The following GLT1D1 variants were observed in gnomAD, a reference collection of about 807,000 sequenced individuals.
The protein encoded by GLT1D1 is glycosyltransferase 1 domain containing 1.
A neutral mutation model predicts 28.7 loss-of-function variants in GLT1D1; 21 were observed. The observed-to-expected ratio is 0.73, with a 90% CI of 0.52 to 1.05. The LOEUF is 1.05. GLT1D1 is among the 50% of genes least tolerant of loss of function. GLT1D1 has a pLI of 0.00. For synonymous variants in GLT1D1, 147 were observed against 124.8 expected (o/e 1.18, Z -1.19); for missense variants, 343 against 330.6 (o/e 1.04, Z -0.29).
At chr12:128,960,913 G>T (rs1045991656) in intron 7 of GLT1D1, among the ~76,000 whole-genome samples, 1 of 152,180 alleles carries the variant, frequency 6.6e-6, no homozygotes, top group African/African-American at 2.4e-5. Flanking sequence ...AATGCTAAAT[G>T]TGCAGTTAGT....
intron 7 of GLT1D1, among the ~76,000 whole-genome samples, chr12:128,976,324 C>G (rs470808): frequency 0.086 from 13,114 of 152,140 alleles, 1,876 homozygotes; most frequent in African/African-American, 0.3. Context: ...CCCACCCAAT[C>G]AGTATCTCGG....
At chr12:128,926,387 C>T (rs1307590079) in intron 4 of GLT1D1, 9 of 1,529,294 alleles carry the variant, frequency 5.9e-6, no homozygotes, top group Admixed American at 2.0e-5. Context: ...ATAATTTGCA[C>T]ATATTTCTTC....
rs1243629601 is a variant in GLT1D1, at chr12:128,958,318, A to G, written c.639+675A>G. ...CAAGCCCCACTTTCTCTTCTGGATA[A>G]GTGGAGCTCATAGTAATACTTGCCT... On this transcript the variant is annotated intron_variant, in intron 7 of 7. Transcript: ENST00000281703. 2.6e-5 allele frequency among the ~76,000 whole-genome samples: 4 copies of G among 152,168 alleles called. 1 individual carries two copies. In the East Asian group the frequency reaches 7.7e-4, roughly 29 times the overall value.
At chr12:128,969,869 C>A (rs1878860289) in intron 7 of GLT1D1, among the ~76,000 whole-genome samples, 1 of 152,184 alleles carries the variant, frequency 6.6e-6, no homozygotes, top group African/African-American at 2.4e-5. Flanking sequence ...CTCTGCAAAG[C>A]CTGCTGGGCA....
At chr12:128,957,406 G>T (rs1446101094) in intron 6 of GLT1D1, 139 bp from the exon 11 acceptor site, 6 of 590,890 alleles carry the variant, frequency 1.0e-5, no homozygotes, top group South Asian at 2.0e-5. Context: ...TTGGGATATC[G>T]TTTTGGAAAG....
intron 2 of GLT1D1, among the ~76,000 whole-genome samples, chr12:128,882,649 A>C (rs1156547771): frequency 1.3e-5 from 2 of 152,174 alleles, no homozygotes; most frequent in African/African-American, 2.4e-5. Flanking sequence ...ATGAACGTCA[A>C]AGTAACACAT....
chr12:128,972,745 G>A (rs470393), intron 7 of GLT1D1, among the ~76,000 whole-genome samples: 20,326 of 152,176 alleles, frequency 0.13, 3,282 homozygotes, highest in African/African-American at 0.37. Context: ...CCTGGTAAAA[G>A]GTGCAGCTGA....
chr12:128,930,642 A>C (rs1205468278), intron 4 of GLT1D1, among the ~76,000 whole-genome samples: 2 of 152,152 alleles, frequency 1.3e-5, no homozygotes, highest in African/African-American at 4.8e-5. Flanking sequence ...TCTGGTCGCA[A>C]TGTCTGGCTT....
chr12:128,927,172 A>C lies in GLT1D1; in HGVS notation c.376-18154A>C, dbSNP rs1399778813. 1.3e-6 allele frequency: 2 copies of C among 1,516,318 alleles called. No individual in the cohort carries two copies. Among genetic ancestry groups the C allele is most frequent in the Non-Finnish European group, 1.8e-6 (2 of 1,128,932 alleles). 93.9% of individuals were successfully genotyped at this position (1,516,318 alleles called of 1,614,324 possible). ...GTCCTGAAGTAAGTTGATGTGCAGT[A>C]AACACTTATCTCATCTCTGTTTTCC... On this transcript the variant is annotated intron_variant, in intron 4 of 7. Transcript: ENST00000281703.
Position 128,908,418 on chromosome 12 carries a change from TTTTCTTTCCTTTCTTCC to T in GLT1D1, c.375+9143_375+9159del, listed in dbSNP as rs1417682878. Among the ~76,000 whole-genome samples the T allele has an allele frequency of 3.3e-5, 5 of 150,622 alleles. No homozygotes were observed. In the South Asian group the frequency reaches 6.3e-4, roughly 19 times the overall value. ...TCTCTCTCTCTCTTTCTTTCTTTCT[TTTTCTTTCCTTTCTTCC>T]TTTCTTTCCTTCTTTCCCTCTTTCC... is the stretch of plus-strand genomic sequence containing the variant. On this transcript the variant is annotated intron_variant, in intron 4 of 7. Transcript: ENST00000281703.
At chr12:128,864,691 G>A (rs1213443231) in intron 1 of GLT1D1, among the ~76,000 whole-genome samples, 2 of 152,168 alleles carry the variant, frequency 1.3e-5, no homozygotes, top group South Asian at 2.1e-4. Flanking sequence ...TAAGGGGCTC[G>A]GGCATATTTG....
In GLT1D1 at chr12:128,876,068, C is replaced by T; in HGVS notation, c.217+6C>T. The stretch of plus-strand genomic sequence containing the variant: ...GGGAGGCAGGCTTTTGCAAGGTAAT[C>T]CTCTTTTTCTTCAAAAGTAAAACAC... On this transcript the variant is annotated splice_donor_region_variant and intron_variant, in intron 2 of 7. Coordinates refer to ENST00000281703, the MANE Select transcript of GLT1D1 (RefSeq NM_144669.3). The T allele has an allele frequency of 6.3e-7, 1 of 1,593,420 alleles. No homozygotes were observed. Among genetic ancestry groups the T allele is most frequent in the Non-Finnish European group, 8.5e-7 (1 of 1,171,762 alleles).
intron 4 of GLT1D1, among the ~76,000 whole-genome samples, chr12:128,917,526 C>T (rs1398222645): frequency 2.0e-5 from 3 of 152,136 alleles, no homozygotes; most frequent in Non-Finnish European, 4.4e-5. Flanking sequence ...AAGCCATCTG[C>T]CTCAGCTTCC....
At chr12:128,971,467 T>TCC in intron 7 of GLT1D1, among the ~76,000 whole-genome samples, 1 of 74,202 alleles carries the variant, frequency 1.3e-5, no homozygotes, top group South Asian at 7.3e-4. Flanking sequence ...CATCCCTCCC[T>TCC]CTGCCTCCCT....
At chr12:128,864,660 T>G (rs907812126) in intron 1 of GLT1D1, among the ~76,000 whole-genome samples, 1 of 152,162 alleles carries the variant, frequency 6.6e-6, no homozygotes, top group Non-Finnish European at 1.5e-5. Flanking sequence ...GGGAGGATGC[T>G]GGGTTGCTGG....
chr12:128,983,044 C>A lies in GLT1D1; in HGVS notation c.755C>A (p.Thr252Asn), dbSNP rs1455621324. The change falls in exon 8 of 8, where the codon ACC (threonine) becomes AAC (asparagine). Residue 252 changes from threonine (T) to asparagine (N), a missense_variant. By Grantham distance (65) the Thr-to-Asn change is moderately conservative. Coordinates refer to ENST00000281703, the MANE Select transcript of GLT1D1 (RefSeq NM_144669.3). The surrounding 1 kb of genome is among the most constrained non-coding windows in gnomAD (Gnocchi z 4.7). ...CATTCATGGCAGGTGGAAAGAGACA[C>A]CTACCAACAGCTCATCAGGAAGCTG... 6.2e-7 allele frequency: 1 copy of A among 1,614,094 alleles called. No homozygotes were observed. Among genetic ancestry groups the A allele is most frequent in the Non-Finnish European group, 8.5e-7 (1 of 1,179,986 alleles).
intron 3 of GLT1D1, among the ~76,000 whole-genome samples, chr12:128,892,067 G>T (rs1047414794): frequency 6.6e-6 from 1 of 152,182 alleles, no homozygotes; most frequent in African/African-American, 2.4e-5. Context: ...GTCACTGGTA[G>T]GTGACAGACA....
chr12:128,918,760 A>G (rs1265950281), intron 4 of GLT1D1, among the ~76,000 whole-genome samples: 2 of 152,240 alleles, frequency 1.3e-5, no homozygotes, highest in African/African-American at 2.4e-5. Flanking sequence ...TCTTCAATCT[A>G]TCACAGGACG....
At chr12:128,930,194 A>G (rs1379005170) in intron 4 of GLT1D1, 1 of 152,190 alleles carries the variant, frequency 6.6e-6, no homozygotes, top group African/African-American at 2.4e-5. Flanking sequence ...GGTTATTATT[A>G]TTACTTTTTA....
Sources: gnomAD v4.1 joint callset for allele counts (sites outside exome capture counted in the v4.1 genomes callset) on GRCh38, gnomAD v4.1.1 for gene constraint, Gnocchi (gnomAD v3.1) non-coding constraint, MANE v1.5 for transcripts, NCBI Gene and HGNC (gene_info 2026-07-23, HGNC 2026-07-21) for gene names.